The following UROS variants were observed in gnomAD, a reference collection of about 807,000 sequenced individuals.
UROS encodes uroporphyrinogen-III synthase.
UROS carries 18 observed loss-of-function variants against 33.0 expected under a neutral mutation model. The observed-to-expected ratio is 0.55, with a 90% CI of 0.38 to 0.81. UROS has a LOEUF of 0.81. Among genes scored for constraint, UROS ranks in the 30% least tolerant of loss-of-function variants. The probability of loss-of-function intolerance (pLI) is 0.00; values close to 1 mark genes in which losing one functional copy is unlikely to be tolerated. For missense variants in UROS, 293 were observed against 314.9 expected, an observed-to-expected ratio of 0.93 and a Z score of 0.53; for synonymous variants, 114 against 121.1, an observed-to-expected ratio of 0.94 and a Z score of 0.38.
chr10:125,798,235 C>G (rs1477448283), intron 6 of UROS, 90 bp from the exon 7 acceptor site: 4 of 1,333,488 alleles, frequency 3.0e-6, no homozygotes, highest in Non-Finnish European at 4.3e-6. Context: ...AAGGGGGAAG[C>G]AGCCCTGGGC....
chr10:125,791,705 G>T (rs2133809672), intron 9 of UROS: 1 of 152,266 alleles, frequency 6.6e-6, no homozygotes, highest in Admixed American at 6.5e-5. Context: ...CTAGTGAAAA[G>T]AGTCAGTTAC....
chr10:125,814,804 C>T (rs1853153346), intron 4 of UROS, among the ~76,000 whole-genome samples: 2 of 152,078 alleles, frequency 1.3e-5, no homozygotes, highest in Admixed American at 1.3e-4. Flanking sequence ...ATATATCAGT[C>T]CCTAGGAGGT....
chr10:125,794,240 C>T (rs1280970677), intron 9 of UROS: 1 of 723,418 alleles, frequency 1.4e-6, no homozygotes, highest in African/African-American at 1.9e-5. Context: ...GAGAGCGGTG[C>T]ATACTCCCCA....
At chr10:125,791,599 A>C (rs1850939372) in intron 9 of UROS, 1 of 152,190 alleles carries the variant, frequency 6.6e-6, no homozygotes, top group African/African-American at 2.4e-5. Context: ...TGAATGGGTA[A>C]ATAAAACGGT....
intron 1 of UROS, among the ~76,000 whole-genome samples, chr10:125,819,128 G>A (rs1452993626): frequency 1.3e-5 from 2 of 152,138 alleles, no homozygotes; most frequent in Non-Finnish European, 2.9e-5. Flanking sequence ...GGGACTACAG[G>A]CATGCGCCAC....
In UROS at chr10:125,796,085, C is replaced by G; in HGVS notation, c.561+18G>C. The stretch of plus-strand genomic sequence containing the variant: ...CTGGGCACCCACCCTGCCAGAACCG[C>G]CCCCAAACGCCACGTACCTGCTGGG... On this transcript the variant is annotated intron_variant, in intron 8 of 9. Transcript: ENST00000368797. 3.7e-6 allele frequency: 6 copies of G among 1,613,592 alleles called. No homozygotes were observed. The highest frequency in any genetic ancestry group is 5.1e-6 in the Non-Finnish European group (6 of 1,179,664).
chr10:125,797,640 AGCTGGAGGG>A (rs1851473078), intron 7 of UROS, among the ~76,000 whole-genome samples: 1 of 152,112 alleles, frequency 6.6e-6, no homozygotes, highest in Admixed American at 6.6e-5. Flanking sequence ...CGGCAGGTGG[AGCTGGAGGG>A]GCAGGTGGAG....
chr10:125,800,148 A>G (rs1851708642), intron 6 of UROS, among the ~76,000 whole-genome samples: 1 of 152,178 alleles, frequency 6.6e-6, no homozygotes, highest in Admixed American at 6.5e-5. Context: ...TAAGAAAATG[A>G]TGATACAAGC....
chr10:125,788,244 A>G (rs555979854), downstream of UROS, among the ~76,000 whole-genome samples: 56 of 152,330 alleles, frequency 3.7e-4, no homozygotes, highest in African/African-American at 1.3e-3. Flanking sequence ...AGATTTCCAA[A>G]GCCTTTCTGC....
intron 6 of UROS, chr10:125,803,111 G>C (rs1420135849): frequency 6.3e-7 from 1 of 1,587,166 alleles, no homozygotes; most frequent in Non-Finnish European, 8.6e-7. Context: ...AAGAGCTTTG[G>C]AGTCAGCCAG....
At chr10:125,815,239 T>A in intron 3 of UROS, 109 bp from the exon 4 acceptor site, 1 of 1,212,052 alleles carries the variant, frequency 8.3e-7, no homozygotes, top group South Asian at 1.3e-5. Flanking sequence ...GTAGGCAAAC[T>A]AATTCCTTCC....
At chr10:125,801,260 T>C (rs1851820154) in intron 6 of UROS, among the ~76,000 whole-genome samples, 1 of 152,338 alleles carries the variant, frequency 6.6e-6, no homozygotes, top group East Asian at 1.9e-4. Context: ...CAGTGCAATC[T>C]TTCTGCCCAC....
intron 6 of UROS, chr10:125,802,493 G>C: frequency 2.0e-6 from 2 of 988,488 alleles, no homozygotes; most frequent in Non-Finnish European, 2.4e-6. Context: ...CTTAGCCTCA[G>C]ATGCTCTTTG....
At chr10:125,802,087 A>C (rs78919221) in intron 6 of UROS, 2 of 985,472 alleles carry the variant, frequency 2.0e-6, no homozygotes, top group East Asian at 2.3e-4. Flanking sequence ...TTATTTCTAC[A>C]TTTTTAAAAG....
chr10:125,822,755 GC>G (rs1425293478), intron 1 of UROS, among the ~76,000 whole-genome samples: 1 of 152,118 alleles, frequency 6.6e-6, no homozygotes, highest in Admixed American at 6.5e-5. Flanking sequence ...ACCGGGCCCG[GC>G]CCCCCGCCGA....
intron 9 of UROS, 49 bp downstream of exon 9, chr10:125,794,831 A>G: frequency 6.5e-7 from 1 of 1,543,424 alleles, no homozygotes; most frequent in Non-Finnish European, 8.9e-7. Flanking sequence ...AAAGATTAAA[A>G]AAAAAAAAAA....
intron 6 of UROS, chr10:125,803,108 T>A: frequency 6.3e-7 from 1 of 1,596,642 alleles, no homozygotes; most frequent in Non-Finnish European, 8.6e-7. Context: ...AGGAAGAGCT[T>A]TGGAGTCAGC....
At chr10:125,809,794 A>AG (rs1206647869) in intron 5 of UROS, among the ~76,000 whole-genome samples, 1 of 152,154 alleles carries the variant, frequency 6.6e-6, no homozygotes, top group Admixed American at 6.5e-5. Context: ...TGAACTCTTA[A>AG]GTTCAAGTGA....
chr10:125,802,739 AC>A (rs896522148), intron 6 of UROS: 3 of 1,407,842 alleles, frequency 2.1e-6, no homozygotes, highest in Non-Finnish European at 2.8e-6. Flanking sequence ...CTCTTTAGGT[AC>A]AGCCCAGGTA....
Sources: gnomAD v4.1 joint callset for allele counts (sites outside exome capture counted in the v4.1 genomes callset) on GRCh38, gnomAD v4.1.1 for gene constraint, MANE v1.5 for transcripts, NCBI Gene and HGNC (gene_info 2026-07-23, HGNC 2026-07-21) for gene names.